The following TRHDE variants were observed in gnomAD, a reference collection of about 807,000 sequenced individuals.
TRHDE encodes the protein thyrotropin releasing hormone degrading enzyme.
In TRHDE, 72 loss-of-function variants were observed where a neutral mutation model predicts 125.7. The observed-to-expected ratio is 0.57, with a 90% CI of 0.47 to 0.70. The LOEUF (loss-of-function observed/expected upper bound fraction) is 0.70, where lower values mean the gene tolerates loss of function less well. Ranked by LOEUF, TRHDE falls within the 30% of genes least tolerant of loss-of-function variation. TRHDE has a pLI of 0.00. For missense variants in TRHDE, 1,110 were observed against 1,327.1 expected (o/e 0.84, Z 2.54); for synonymous variants, 509 against 509.1 (o/e 1.00, Z 0.00).
At chr12:72,298,908 C>T (rs560014076) in intron 2 of TRHDE, among the ~76,000 whole-genome samples, 1 of 152,238 alleles carries the variant, frequency 6.6e-6, no homozygotes, top group African/African-American at 2.4e-5. Context: ...AAGGAATAGG[C>T]ATTAAGTGAC....
At chr12:72,399,216 C>T (rs1213334672) in intron 3 of TRHDE, among the ~76,000 whole-genome samples, 1 of 152,218 alleles carries the variant, frequency 6.6e-6, no homozygotes, top group Admixed American at 6.5e-5. Flanking sequence ...CAAAACTGGT[C>T]CCCGAAGCCA....
chr12:72,565,443 G>A (rs528004487), intron 9 of TRHDE, among the ~76,000 whole-genome samples: 1 of 152,282 alleles, frequency 6.6e-6, no homozygotes, highest in Admixed American at 6.5e-5. Context: ...GTCACATAAA[G>A]TTAGCTGATG....
chr12:72,323,216 G>A (rs1476486840), intron 2 of TRHDE, among the ~76,000 whole-genome samples: 1 of 152,088 alleles, frequency 6.6e-6, no homozygotes, highest in Non-Finnish European at 1.5e-5. Context: ...TAGTAAACAA[G>A]AAGTGATGTC....
chr12:72,272,271 G>A (rs111844777), upstream of TRHDE: 3,466 of 365,978 alleles, frequency 9.5e-3, 40 homozygotes, highest in Non-Finnish European at 0.013. This position sits in a 1 kb window ranked among gnomAD's most constrained non-coding sequence, Gnocchi z 6.7. Flanking sequence ...AGGCTCCCGC[G>A]GAAAGCGAGG....
chr12:72,427,526 A>G (rs574384702), intron 3 of TRHDE, among the ~76,000 whole-genome samples: 1 of 152,102 alleles, frequency 6.6e-6, no homozygotes, highest in Admixed American at 6.6e-5. Flanking sequence ...CTCTATTTGT[A>G]TCCCTGGCTT....
chr12:72,234,533 A>G (rs11179122), intron 2 of TRHDE, among the ~76,000 whole-genome samples: 11,564 of 152,268 alleles, frequency 0.076, 594 homozygotes, highest in East Asian at 0.2. Context: ...AAATAGTGTT[A>G]GTAAATAGAA....
chr12:72,619,930 C>T (rs1872975123), intron 13 of TRHDE, among the ~76,000 whole-genome samples: 1 of 151,918 alleles, frequency 6.6e-6, no homozygotes, highest in African/African-American at 2.4e-5. Flanking sequence ...GAATTCCTTC[C>T]TTTTTATTTT....
In TRHDE at chr12:72,641,025, A is replaced by G. The variant is rs145733820; in HGVS notation, c.2676-11297A>G. ...AGAATCTTGTACTCACAGAGCAAGA[A>G]GGGACTTTAGGACTCATGTGTTTAT... is the stretch of plus-strand genomic sequence containing the variant. On this transcript the variant is annotated intron_variant, in intron 15 of 18. Transcript: ENST00000261180. Among the ~76,000 whole-genome samples, 10 of 151,986 alleles carry G rather than the reference A, an allele frequency of 6.6e-5. No individual in the cohort carries two copies. In the East Asian group the frequency reaches 1.9e-3, roughly 29 times the overall value.
At chr12:72,406,784 G>A (rs1390350753) in intron 3 of TRHDE, among the ~76,000 whole-genome samples, 1 of 152,150 alleles carries the variant, frequency 6.6e-6, no homozygotes. Flanking sequence ...AATAGTTGGT[G>A]AAAATAGATA....
At chr12:72,619,155 T>C (rs1319943111) in intron 13 of TRHDE, 117 bp downstream of exon 13, 1 of 782,698 alleles carries the variant, frequency 1.3e-6, no homozygotes, top group Non-Finnish European at 1.8e-6. Context: ...TAGTTTGTGT[T>C]ATCCCGATTT....
intron 2 of TRHDE, among the ~76,000 whole-genome samples, chr12:72,153,242 C>T (rs577416695): frequency 1.3e-5 from 2 of 152,000 alleles, no homozygotes; most frequent in South Asian, 2.1e-4. Context: ...TGGTGGTGAT[C>T]TCCCCTTTAT....
intron 2 of TRHDE, among the ~76,000 whole-genome samples, chr12:72,163,922 G>C (rs1876689134): frequency 6.6e-6 from 1 of 152,122 alleles, no homozygotes; most frequent in South Asian, 2.1e-4. Context: ...GACCAGTCTG[G>C]CCAACATGGT....
intron 2 of TRHDE, 63 bp from the exon 3 acceptor site, chr12:72,377,932 G>T (rs1056702575): frequency 1.6e-5 from 19 of 1,155,464 alleles, no homozygotes; most frequent in South Asian, 3.4e-5. Flanking sequence ...ATTCATATTT[G>T]CAGGGAAGAT....
chr12:72,106,393 G>A (rs1051604477), intron 2 of TRHDE, among the ~76,000 whole-genome samples: 1 of 152,020 alleles, frequency 6.6e-6, no homozygotes, highest in Non-Finnish European at 1.5e-5. Flanking sequence ...ATAAACAAAA[G>A]TGAAGGAAAA....
At chr12:72,276,851 A>C (rs1252168295) in intron 1 of TRHDE, among the ~76,000 whole-genome samples, 2 of 152,228 alleles carry the variant, frequency 1.3e-5, no homozygotes, top group Non-Finnish European at 2.9e-5. Context: ...CAGCAGGCAG[A>C]TAAAAATGGG....
rs1360436660 is a variant in TRHDE at position 72,542,525 on chromosome 12, G to A, written c.1788+169G>A. ...TGAAAATTCTAGATAGGATACTCAC[G>A]ATATCAACTGACAAAACTTGAACTG... On this transcript the variant is annotated intron_variant, in intron 7 of 18. Coordinates refer to ENST00000261180, the MANE Select transcript of TRHDE (RefSeq NM_013381.3). Among the ~76,000 whole-genome samples the A allele has an allele frequency of 2.0e-5, 3 of 151,212 alleles. No homozygotes were observed. The Admixed American group carries it at 2.0e-4, about 10-fold the overall frequency.
At chr12:72,289,942 A>G (rs2139432354) in intron 2 of TRHDE, among the ~76,000 whole-genome samples, 1 of 152,290 alleles carries the variant, frequency 6.6e-6, no homozygotes, top group East Asian at 1.9e-4. Context: ...GATCAATCCT[A>G]TAGACATTTG....
intron 3 of TRHDE, among the ~76,000 whole-genome samples, chr12:72,429,348 A>G (rs1487557322): frequency 6.7e-6 from 1 of 148,836 alleles, no homozygotes; most frequent in Non-Finnish European, 1.5e-5. Flanking sequence ...CATAATAATA[A>G]TAATAATAAT....
chr12:72,599,660 T>C (rs1376845363), intron 12 of TRHDE, among the ~76,000 whole-genome samples: 1 of 152,166 alleles, frequency 6.6e-6, no homozygotes, highest in Non-Finnish European at 1.5e-5. Flanking sequence ...TTCCATTCTT[T>C]AGTTTGTCTG....
Sources: allele counts gnomAD v4.1 joint callset (sites outside exome capture counted in the v4.1 genomes callset), GRCh38; gene constraint gnomAD v4.1.1; non-coding constraint Gnocchi (gnomAD v3.1); transcripts MANE v1.5; gene names NCBI Gene and HGNC (gene_info 2026-07-23, HGNC 2026-07-21).